The following GTF2I variants were observed in gnomAD, a reference collection of about 807,000 sequenced individuals.
The protein encoded by GTF2I is general transcription factor II-I.
Under a neutral mutation model 67.6 loss-of-function variants are expected in GTF2I, and 12 were observed. That is an observed-to-expected ratio of 0.18 (90% CI 0.11 to 0.29). The LOEUF (loss-of-function observed/expected upper bound fraction) is 0.29, where lower values mean the gene tolerates loss of function less well. Ranked by LOEUF, GTF2I falls within the 10% of genes least tolerant of loss-of-function variation. The pLI is 1.00. For missense variants in GTF2I, 271 were observed against 580.1 expected (o/e 0.47, Z 5.47); for synonymous variants, 149 against 197.0 (o/e 0.76, Z 2.04).
intron 1 of GTF2I, among the ~76,000 whole-genome samples, chr7:74,681,942 A>G (rs1787314176): frequency 6.6e-6 from 1 of 151,646 alleles, no homozygotes; most frequent in African/African-American, 2.4e-5. Context: ...GGAGGATGTG[A>G]TAGTTCTCTG....
intron 4 of GTF2I, chr7:74,700,020 T>C: frequency 2.1e-6 from 1 of 472,930 alleles, no homozygotes; most frequent in East Asian, 3.7e-5. Context: ...CTATGTGTTT[T>C]TTAAAGTAAA....
chr7:74,666,254 T>C (rs1254900800), intron 1 of GTF2I, among the ~76,000 whole-genome samples: 1 of 152,228 alleles, frequency 6.6e-6, no homozygotes, highest in African/African-American at 2.4e-5. Flanking sequence ...AACACATACA[T>C]GACGTGAGTA....
chr7:74,726,969 A>G lies in GTF2I; in HGVS notation c.944-1817A>G, dbSNP rs1050916371. 6 of 152,308 alleles carry G rather than the reference A, an allele frequency of 3.9e-5. No individual in the cohort carries two copies. In the South Asian group the frequency reaches 1.2e-3, roughly 32 times the overall value. The allele number at this position is 152,308 out of a possible 1,614,324, so 9.4% of individuals were successfully genotyped here. On this transcript the variant is annotated intron_variant, in intron 12 of 34. Coordinates refer to ENST00000573035, the MANE Select transcript of GTF2I (RefSeq NM_032999.4). ...AAAGAATGAGACCCTGCCGATAGATAGATAGTTTTCTATCAAATTTTTTCC... is the reference window on the plus strand; with the variant it reads ...AAAGAATGAGACCCTGCCGATAGATGGATAGTTTTCTATCAAATTTTTTCC...
At chr7:74,694,182 T>C (rs761752901) in intron 3 of GTF2I, among the ~76,000 whole-genome samples, 5 of 152,228 alleles carry the variant, frequency 3.3e-5, no homozygotes, top group Non-Finnish European at 5.9e-5. Context: ...AGCCACAGCG[T>C]AATCCAGAGT....
chr7:74,678,221 T>C (rs1253949157), intron 1 of GTF2I, among the ~76,000 whole-genome samples: 1 of 148,858 alleles, frequency 6.7e-6, no homozygotes, highest in Non-Finnish European at 1.5e-5. Flanking sequence ...AGCCCGGCTT[T>C]TTTTTTTTTT....
intron 1 of GTF2I, among the ~76,000 whole-genome samples, chr7:74,677,798 T>TAAAAAAAAAAAAAA (rs1806039310): frequency 8.9e-5 from 5 of 56,306 alleles, no homozygotes; most frequent in Admixed American, 2.0e-4. Flanking sequence ...AAAAAAAAAG[T>TAAAAAAAAAAAAAA]AAATTTGGGT....
intron 12 of GTF2I, among the ~76,000 whole-genome samples, chr7:74,722,186 G>A (rs1554404754): frequency 6.6e-6 from 1 of 152,166 alleles, no homozygotes; most frequent in African/African-American, 2.4e-5. Flanking sequence ...ACGTGTTTGT[G>A]GATACAGGGT....
At chr7:74,743,314 C>CT in intron 19 of GTF2I, 135 bp from the exon 20 acceptor site, 1 of 231,450 alleles carries the variant, frequency 4.3e-6, no homozygotes, top group Non-Finnish European at 8.0e-6. Flanking sequence ...CAGAGCAAGA[C>CT]TCTGTCTCAA....
chr7:74,666,734 A>G lies in GTF2I; in HGVS notation c.-6+8666A>G, dbSNP rs587767610. Among the ~76,000 whole-genome samples, 177 of 151,640 alleles carry G rather than the reference A, an allele frequency of 1.2e-3. 1 individual carries two copies. The highest frequency in any genetic ancestry group is 4.1e-3 in the African/African-American group (169 of 41,350). On this transcript the variant is annotated intron_variant, in intron 1 of 34. Transcript: ENST00000573035. ...TGTAATCCCAGCACTTTGGGAGTCCAAGGCGGGTGGATCACGAGGTCAGGA... is the reference window on the plus strand; with the variant it reads ...TGTAATCCCAGCACTTTGGGAGTCCGAGGCGGGTGGATCACGAGGTCAGGA...
chr7:74,705,830 C>G (rs1790589248), intron 7 of GTF2I, among the ~76,000 whole-genome samples: 1 of 151,474 alleles, frequency 6.6e-6, no homozygotes, highest in Admixed American at 6.6e-5. Context: ...TCCCAAAGTA[C>G]TGGGATTACA....
At chr7:74,675,032 T>C (rs1392667992) in intron 1 of GTF2I, among the ~76,000 whole-genome samples, 3 of 151,688 alleles carry the variant, frequency 2.0e-5, no homozygotes, top group Admixed American at 2.0e-4. Flanking sequence ...TTTGTATTTT[T>C]AGTAGAGATG....
intron 3 of GTF2I, among the ~76,000 whole-genome samples, chr7:74,692,075 CTT>C (rs782120163): frequency 1.0e-4 from 14 of 134,136 alleles, no homozygotes; most frequent in East Asian, 2.2e-4. Context: ...CCACTCTCGG[CTT>C]TTTTTTTTTT....
chr7:74,717,778 G>A (rs1053624341), intron 11 of GTF2I, among the ~76,000 whole-genome samples: 2 of 151,852 alleles, frequency 1.3e-5, no homozygotes, highest in African/African-American at 4.8e-5. Flanking sequence ...CTTCTTTGAG[G>A]GAAAGGCAAT....
intron 3 of GTF2I, among the ~76,000 whole-genome samples, chr7:74,691,614 C>T (rs1056168131): frequency 1.6e-4 from 24 of 152,120 alleles, no homozygotes; most frequent in African/African-American, 5.6e-4. Flanking sequence ...TGAAATATGT[C>T]AGGATAGATA....
intron 3 of GTF2I, 69 bp downstream of exon 3, chr7:74,691,180 T>A (rs1554396950): frequency 3.6e-6 from 4 of 1,106,052 alleles, no homozygotes; most frequent in Non-Finnish European, 2.6e-6. Flanking sequence ...GTAAGACAAG[T>A]TATATTATTT....
At chr7:74,695,308 A>G (rs779243262) in intron 3 of GTF2I, among the ~76,000 whole-genome samples, 1 of 152,200 alleles carries the variant, frequency 6.6e-6, no homozygotes, top group East Asian at 1.9e-4. Context: ...ATTGACTCCA[A>G]TTTTGAAACA....
At position 74,657,798 on chromosome 7, in the gene GTF2I, G is replaced by A. The variant is rs1804044934; in HGVS notation, c.-276G>A. ...CCGCACGCGCTCTCCAGCCGCGGCCGCCCGCCTGCCGCGGTCACCCCGGCC... is the reference window on the plus strand; with the variant it reads ...CCGCACGCGCTCTCCAGCCGCGGCCACCCGCCTGCCGCGGTCACCCCGGCC... On this transcript the variant is annotated 5_prime_UTR_variant, in exon 1 of 35. Transcript: ENST00000573035. The A allele has an allele frequency of 6.7e-6, 1 of 150,084 alleles. No homozygotes were observed. Among genetic ancestry groups the A allele is most frequent in the Non-Finnish European group, 1.5e-5 (1 of 67,888 alleles). The allele number at this position is 150,084 out of a possible 1,614,324, so 9.3% of individuals were successfully genotyped here. A position where few individuals can be genotyped will look rare whatever the true frequency, so the allele number is the denominator to read the frequency against.
chr7:74,722,121 A>G (rs966152659), intron 12 of GTF2I, among the ~76,000 whole-genome samples: 1 of 152,124 alleles, frequency 6.6e-6, no homozygotes, highest in Non-Finnish European at 1.5e-5. Flanking sequence ...TCACCTCGAT[A>G]TCTTCATTTG....
chr7:74,722,118 G>A (rs1019028780), intron 12 of GTF2I, among the ~76,000 whole-genome samples: 8 of 152,004 alleles, frequency 5.3e-5, no homozygotes, highest in Admixed American at 5.2e-4. Context: ...TTTTCACCTC[G>A]ATATCTTCAT....
Sources: gnomAD v4.1 joint callset for allele counts (sites outside exome capture counted in the v4.1 genomes callset) on GRCh38, gnomAD v4.1.1 for gene constraint, MANE v1.5 for transcripts, NCBI Gene and HGNC (gene_info 2026-07-23, HGNC 2026-07-21) for gene names.